CNTNAP2: variants seen among roughly 807,000 people sequenced by gnomAD.
The protein encoded by CNTNAP2 is contactin-associated protein-like 2.
Under a neutral mutation model 155.2 loss-of-function variants are expected in CNTNAP2, and 98 were observed. The observed-to-expected ratio is 0.63, with a 90% confidence interval of 0.54 to 0.75. The LOEUF (loss-of-function observed/expected upper bound fraction) is 0.75, where lower values mean the gene tolerates loss of function less well. CNTNAP2 is among the 30% of genes least tolerant of loss of function. CNTNAP2 has a pLI of 0.00. For synonymous variants in CNTNAP2, 651 were observed against 631.2 expected (o/e 1.03, Z -0.47); for missense variants, 1,727 against 1,688.1 (o/e 1.02, Z -0.40).
At chr7:147,148,692 G>A (rs1406450609) in intron 8 of CNTNAP2, among the ~76,000 whole-genome samples, 4 of 152,144 alleles carry the variant, frequency 2.6e-5, no homozygotes, top group Non-Finnish European at 5.9e-5. Flanking sequence ...GACTTCAGGA[G>A]TGAAGCCACA....
chr7:147,330,766 G>T (rs1795546988), intron 9 of CNTNAP2, among the ~76,000 whole-genome samples: 1 of 151,998 alleles, frequency 6.6e-6, no homozygotes, highest in South Asian at 2.1e-4. Context: ...CTCCTCATCA[G>T]GTAAAAACCT....
chr7:147,812,911 A>C (rs1415633795), intron 13 of CNTNAP2, among the ~76,000 whole-genome samples: 1 of 152,144 alleles, frequency 6.6e-6, no homozygotes, highest in South Asian at 2.1e-4. Flanking sequence ...CATACCTATT[A>C]AGAGATCTGT....
intron 8 of CNTNAP2, among the ~76,000 whole-genome samples, chr7:147,149,154 T>C (rs1801775790): frequency 6.6e-6 from 1 of 152,128 alleles, no homozygotes; most frequent in African/African-American, 2.4e-5. Flanking sequence ...TTTTATAGAG[T>C]GCTGATTGGC....
chr7:148,260,856 A>G (rs998159939), intron 20 of CNTNAP2, among the ~76,000 whole-genome samples: 2 of 152,216 alleles, frequency 1.3e-5, no homozygotes, highest in Non-Finnish European at 2.9e-5. Context: ...GAGGGCCTTC[A>G]CAGGACACCA....
intron 9 of CNTNAP2, among the ~76,000 whole-genome samples, chr7:147,326,704 T>A (rs1795466405): frequency 6.6e-6 from 1 of 152,218 alleles, no homozygotes; most frequent in Admixed American, 6.5e-5. Context: ...ATTTTCAAGG[T>A]TTTACTTTGT....
intron 13 of CNTNAP2, among the ~76,000 whole-genome samples, chr7:147,816,488 G>A (rs571284740): frequency 2.6e-5 from 4 of 152,228 alleles, no homozygotes; most frequent in Non-Finnish European, 5.9e-5. Context: ...TAAAAAAGAG[G>A]ATTTGAGATT....
intron 21 of CNTNAP2, among the ~76,000 whole-genome samples, chr7:148,315,412 A>C (rs1797671599): frequency 6.6e-6 from 1 of 152,168 alleles, no homozygotes; most frequent in Non-Finnish European, 1.5e-5. Context: ...TGGGGGTCAC[A>C]GGGTGCTCAG....
At chr7:146,246,229 G>C (rs544685541) in intron 1 of CNTNAP2, among the ~76,000 whole-genome samples, 2 of 150,736 alleles carry the variant, frequency 1.3e-5, no homozygotes, top group East Asian at 3.9e-4. Context: ...ATACTTGTGG[G>C]TTAAGGTGGG....
chr7:147,056,114 A>C (rs1387150191), intron 4 of CNTNAP2, among the ~76,000 whole-genome samples: 1 of 152,218 alleles, frequency 6.6e-6, no homozygotes, highest in Non-Finnish European at 1.5e-5. Context: ...CTTTAGCCAA[A>C]TCAACAACAT....
At chr7:146,163,902 C>A (rs1417801437) in intron 1 of CNTNAP2, among the ~76,000 whole-genome samples, 1 of 151,952 alleles carries the variant, frequency 6.6e-6, no homozygotes, top group Non-Finnish European at 1.5e-5. Flanking sequence ...TGTTCCAGAC[C>A]CAGCTCTCTT....
chr7:148,251,335 T>A (rs917605457), intron 20 of CNTNAP2, among the ~76,000 whole-genome samples: 1 of 152,218 alleles, frequency 6.6e-6, no homozygotes, highest in Non-Finnish European at 1.5e-5. Flanking sequence ...AAGGGAGAGA[T>A]GCAGGTGGCA....
chr7:146,137,599 A>G (rs1013861238), intron 1 of CNTNAP2, among the ~76,000 whole-genome samples: 3 of 152,092 alleles, frequency 2.0e-5, no homozygotes, highest in Admixed American at 6.6e-5. Context: ...AAATGCATGC[A>G]TTATTTTATT....
intron 10 of CNTNAP2, among the ~76,000 whole-genome samples, chr7:147,408,105 A>G (rs1010493255): frequency 6.6e-6 from 1 of 152,270 alleles, no homozygotes; most frequent in Non-Finnish European, 1.5e-5. Context: ...GCCTTGAAGA[A>G]TAATTTGTAA....
intron 18 of CNTNAP2, among the ~76,000 whole-genome samples, chr7:148,180,961 A>T (rs1029771054): frequency 7.9e-5 from 12 of 152,214 alleles, no homozygotes; most frequent in African/African-American, 2.9e-4. Flanking sequence ...TAGGGGCTGC[A>T]GAGAACAAAA....
chr7:146,786,704 C>T (rs994333718), intron 2 of CNTNAP2, among the ~76,000 whole-genome samples: 1 of 152,206 alleles, frequency 6.6e-6, no homozygotes, highest in Non-Finnish European at 1.5e-5. Context: ...AAGATTTCTT[C>T]CCCAGGTTTT....
chr7:147,227,753 C>T (rs568637653), intron 8 of CNTNAP2, among the ~76,000 whole-genome samples: 1 of 152,238 alleles, frequency 6.6e-6, no homozygotes, highest in African/African-American at 2.4e-5. Context: ...GGGCTCTCTA[C>T]TCATGATTCC....
chr7:146,301,765 A>G (rs1175276961), intron 1 of CNTNAP2, among the ~76,000 whole-genome samples: 1 of 152,120 alleles, frequency 6.6e-6, no homozygotes, highest in Non-Finnish European at 1.5e-5. Flanking sequence ...GGTGCAAGGA[A>G]TTTTCTGGAA....
At chr7:148,173,190 T>C (rs776703600) in intron 18 of CNTNAP2, among the ~76,000 whole-genome samples, 1 of 152,230 alleles carries the variant, frequency 6.6e-6, no homozygotes, top group Non-Finnish European at 1.5e-5. Flanking sequence ...ATTTGAACTA[T>C]ACCCTGTGAT....
intron 3 of CNTNAP2, among the ~76,000 whole-genome samples, chr7:146,928,786 C>T (rs1363144375): frequency 6.6e-6 from 1 of 152,206 alleles, no homozygotes; most frequent in Non-Finnish European, 1.5e-5. Flanking sequence ...GAGATTATAT[C>T]CCGCACCTGG....
Sources: allele counts gnomAD v4.1 joint callset (sites outside exome capture counted in the v4.1 genomes callset), GRCh38; gene constraint gnomAD v4.1.1; transcripts MANE v1.5; gene names NCBI Gene and HGNC (gene_info 2026-07-23, HGNC 2026-07-21).